Variants in COL21A1 observed in about 807,000 individuals in gnomAD.
The protein encoded by COL21A1 is collagen type XXI alpha 1 chain.
In COL21A1, 149 loss-of-function variants were observed where a neutral mutation model predicts 137.9. The ratio of observed to expected loss-of-function variants is 1.08; its 90% CI spans 0.95 to 1.24. The LOEUF (loss-of-function observed/expected upper bound fraction) is 1.24, where lower values mean the gene tolerates loss of function less well. Ranked by LOEUF, COL21A1 falls within the 50% of genes most tolerant of loss-of-function variation. The pLI is 0.00. For synonymous variants in COL21A1, 456 were observed against 391.5 expected (o/e 1.16, Z -1.95); for missense variants, 1,167 against 1,158.4 (o/e 1.01, Z -0.11).
rs76291943 is a variant in COL21A1, at chr6:56,057,114, C to T, written c.*543G>A. The T allele has an allele frequency of 0.07, 10,934 of 156,294 alleles. 429 individuals are homozygous for T. The highest frequency in any genetic ancestry group is 0.11 in the Admixed American group (1,674 of 15,338). 9.7% of individuals were successfully genotyped at this position (156,294 alleles called of 1,614,324 possible). A position where few individuals can be genotyped will look rare whatever the true frequency, so the allele number is the denominator to read the frequency against. ...TATTCAGAGGTGCTATTCACAACAC[C>T]GAACAACAGGCAATCCACTGCCCCT... On this transcript the variant is annotated 3_prime_UTR_variant, in exon 30 of 30. Transcript: ENST00000244728.
chr6:56,348,159 T>C (rs907023410), intron 1 of COL21A1, among the ~76,000 whole-genome samples: 32 of 152,142 alleles, frequency 2.1e-4, no homozygotes, highest in African/African-American at 7.5e-4. Flanking sequence ...CATGGGGCCA[T>C]GTGCTTTAGC....
rs150571672 is a variant in COL21A1 at position 56,242,309 on chromosome 6, A to C, written c.-39+5078T>G. Among the ~76,000 whole-genome samples the C allele has an allele frequency of 1.2e-3, 186 of 152,306 alleles. 1 individual carries two copies. Among genetic ancestry groups the C allele is most frequent in the Non-Finnish European group, 2.2e-3 (153 of 68,010 alleles). On this transcript the variant is annotated intron_variant, in intron 1 of 29. Transcript: ENST00000244728. ...AGCTTTGAGTGCTTTTATTTACTCC[A>C]TTACGTAATTAATGCAAAAGACTAA... is the stretch of plus-strand genomic sequence containing the variant.
chr6:56,117,113 A>G, intron 16 of COL21A1, among the ~76,000 whole-genome samples: 1 of 152,060 alleles, frequency 6.6e-6, no homozygotes, highest in Non-Finnish European at 1.5e-5. Flanking sequence ...AATAACATTT[A>G]ATGTAAACAA....
rs1765663430 is a variant in COL21A1, at chr6:56,060,068, A to G, written c.2558T>C (p.Val853Ala). ...TCCAGGGACACCCACTAATCCAGGA[A>G]CACCATCTCTTCCTGGCAAACCAGG... ...GLPGLPGRDG[V>A]PGLVGVPGRP... Residue 853 changes from valine (V) to alanine (A), a missense_variant, in exon 28 of 30, where the codon GTT (valine) becomes GCT (alanine). Transcript: ENST00000244728. The G allele has an allele frequency of 1.2e-6, 2 of 1,610,612 alleles. No homozygotes were observed. The highest frequency in any genetic ancestry group is 1.1e-5 in the South Asian group (1 of 90,560).
intron 1 of COL21A1, among the ~76,000 whole-genome samples, chr6:56,210,213 AC>A (rs1443974674): frequency 6.6e-6 from 1 of 152,066 alleles, no homozygotes; most frequent in African/African-American, 2.4e-5. Flanking sequence ...TATGTAACAA[AC>A]CTGCACGTTC....
rs748486814 is a variant in COL21A1, at chr6:56,156,890, C to T, written c.1431G>A (p.Lys477=). The change falls in exon 10 of 30, where the codon AAG becomes AAA. Residue 477 remains lysine (K), a synonymous_variant. Transcript: ENST00000244728. ...GYPGQPGQDG[K]PGYQGIAGTP... is the part of the protein sequence containing the mutation. ...TGACTAAGCTTTCAGTACTCACAGGCTTACCATCTTGACCAGGTTGTCCAG... is the reference window on the plus strand; with the variant it reads ...TGACTAAGCTTTCAGTACTCACAGGTTTACCATCTTGACCAGGTTGTCCAG... 1.2e-6 allele frequency: 2 copies of T among 1,611,210 alleles called. No homozygotes were observed. Among genetic ancestry groups the T allele is most frequent in the Non-Finnish European group, 1.7e-6 (2 of 1,178,636 alleles).
chr6:56,066,271 T>C (rs1361015764), intron 23 of COL21A1, among the ~76,000 whole-genome samples: 2 of 152,002 alleles, frequency 1.3e-5, no homozygotes, highest in Admixed American at 6.6e-5. Context: ...AATTTTGTCA[T>C]ACCACTCTAA....
intron 17 of COL21A1, among the ~76,000 whole-genome samples, chr6:56,087,336 T>A (rs1011207915): frequency 1.3e-5 from 2 of 152,144 alleles, no homozygotes; most frequent in African/African-American, 4.8e-5. Flanking sequence ...TACAATACCA[T>A]GTGTAATAAG....
intron 9 of COL21A1, among the ~76,000 whole-genome samples, chr6:56,158,722 T>A (rs1190020573): frequency 1.3e-5 from 2 of 151,300 alleles, no homozygotes; most frequent in African/African-American, 4.9e-5. Context: ...GGAAAAAAAA[T>A]GGAAAGAACT....
chr6:56,173,967 A>G (rs1777257777), intron 3 of COL21A1, among the ~76,000 whole-genome samples: 1 of 152,214 alleles, frequency 6.6e-6, no homozygotes, highest in Non-Finnish European at 1.5e-5. Context: ...TTATTTAAGA[A>G]GGCTGAAATC....
chr6:56,087,181 AC>A (rs1328484889), intron 17 of COL21A1, among the ~76,000 whole-genome samples: 1 of 152,162 alleles, frequency 6.6e-6, no homozygotes, highest in African/African-American at 2.4e-5. Context: ...ACATTTAGAC[AC>A]AGTTTTCTCC....
chr6:56,376,633 T>C (rs2093999747), intron 1 of COL21A1, among the ~76,000 whole-genome samples: 1 of 144,392 alleles, frequency 6.9e-6, no homozygotes, highest in African/African-American at 2.7e-5. Context: ...TCTAGACAAA[T>C]CTTTTAGAGA....
intron 1 of COL21A1, among the ~76,000 whole-genome samples, chr6:56,207,483 C>G (rs1582642580): frequency 1.3e-5 from 2 of 152,086 alleles, no homozygotes; most frequent in Non-Finnish European, 2.9e-5. Context: ...AAGTCTAAAC[C>G]AGGAAGAAGT....
Position 56,145,689 on chromosome 6 carries a change from G to A in COL21A1, c.1435-3706C>T, listed in dbSNP as rs75671625. On this transcript the variant is annotated intron_variant, in intron 10 of 29. Transcript: ENST00000244728. ...AGAACACGTTTCATGTCTCATTTTA[G>A]AACTGTAACTTTCCTATGATCTTTG... is the stretch of plus-strand genomic sequence containing the variant. Among the ~76,000 whole-genome samples, 524 of 151,982 alleles carry A rather than the reference G, an allele frequency of 3.4e-3. 4 individuals carry two copies. The highest frequency in any genetic ancestry group is 0.01 in the African/African-American group (429 of 41,466).
At chr6:56,309,896 A>G (rs1764568909) in intron 1 of COL21A1, among the ~76,000 whole-genome samples, 1 of 152,214 alleles carries the variant, frequency 6.6e-6, no homozygotes, top group African/African-American at 2.4e-5. Flanking sequence ...AGATCGATGC[A>G]GGGATGGATG....
chr6:56,226,760 T>G (rs546665779), intron 1 of COL21A1, among the ~76,000 whole-genome samples: 1 of 152,146 alleles, frequency 6.6e-6, no homozygotes, highest in East Asian at 1.9e-4. Context: ...TGTTCCTCAC[T>G]TCCATAAAAA....
chr6:56,330,461 T>C (rs1212913914), intron 1 of COL21A1, among the ~76,000 whole-genome samples: 2 of 152,084 alleles, frequency 1.3e-5, no homozygotes, highest in African/African-American at 4.8e-5. Context: ...GACTACCAGG[T>C]AGAGAAACAT....
chr6:56,302,063 A>G (rs1396829315), intron 1 of COL21A1, among the ~76,000 whole-genome samples: 1 of 151,832 alleles, frequency 6.6e-6, no homozygotes, highest in Non-Finnish European at 1.5e-5. Flanking sequence ...TGAACTCATC[A>G]TTTTTTATGG....
chr6:56,243,281 C>T (rs1232660454), intron 1 of COL21A1, among the ~76,000 whole-genome samples: 1 of 152,148 alleles, frequency 6.6e-6, no homozygotes, highest in Non-Finnish European at 1.5e-5. Flanking sequence ...ATTCAAATGT[C>T]CAGTCAAGTG....
Sources: gnomAD v4.1 joint callset for allele counts (sites outside exome capture counted in the v4.1 genomes callset) on GRCh38, gnomAD v4.1.1 for gene constraint, MANE v1.5 for transcripts, NCBI Gene and HGNC (gene_info 2026-07-23, HGNC 2026-07-21) for gene names.